The following ESD variants were observed in gnomAD, a reference collection of about 807,000 sequenced individuals.
ESD encodes the protein S-formylglutathione hydrolase.
In ESD, 34 loss-of-function variants were observed where a neutral mutation model predicts 38.1. The observed-to-expected ratio is 0.89, with a 90% CI of 0.68 to 1.19. The LOEUF is 1.19. Among genes scored for constraint, ESD ranks in the 50% most tolerant of loss-of-function variants. The probability of loss-of-function intolerance (pLI) is 0.00; values close to 1 mark genes in which losing one functional copy is unlikely to be tolerated. For missense variants in ESD, 334 were observed against 327.2 expected (o/e 1.02, Z -0.16); for synonymous variants, 97 against 107.0 (o/e 0.91, Z 0.58).
intron 8 of ESD, among the ~76,000 whole-genome samples, chr13:46,779,110 A>C (rs1184467153): frequency 6.6e-6 from 1 of 151,768 alleles, no homozygotes; most frequent in Non-Finnish European, 1.5e-5. Context: ...CACAAGAGTA[A>C]CATGGCTCTC....
At chr13:46,775,375 C>T in intron 9 of ESD, 1 of 203,432 alleles carries the variant, frequency 4.9e-6, no homozygotes, top group Non-Finnish European at 1.0e-5. Context: ...TTGAGTAAAT[C>T]ATGTGCATGA....
In ESD at chr13:46,791,440, T is replaced by G; in HGVS notation, c.-7-20A>C. On this transcript the variant is annotated intron_variant, in intron 2 of 9. Transcript: ENST00000378720. ...CTTTTCCTATTAGTAAAGAGTAATC[T>G]CATTAATTTCCAGAGAATTAGTTAC... 1.3e-6 allele frequency: 2 copies of G among 1,570,802 alleles called. No individual in the cohort carries two copies. Among genetic ancestry groups the G allele is most frequent in the Non-Finnish European group, 1.7e-6 (2 of 1,150,094 alleles).
intron 9 of ESD, among the ~76,000 whole-genome samples, chr13:46,772,492 G>A (rs1874641153): frequency 6.6e-6 from 1 of 152,144 alleles, no homozygotes; most frequent in East Asian, 1.9e-4. Flanking sequence ...AGTTACATAA[G>A]TAAACGTGTG....
intron 8 of ESD, among the ~76,000 whole-genome samples, chr13:46,779,511 G>T (rs1327895476): frequency 6.6e-6 from 1 of 151,208 alleles, no homozygotes; most frequent in Non-Finnish European, 1.5e-5. Context: ...TTAGATTAGG[G>T]ATGCTCAACC....
intron 9 of ESD, among the ~76,000 whole-genome samples, chr13:46,774,740 G>A (rs1171000692): frequency 6.6e-6 from 1 of 152,140 alleles, no homozygotes; most frequent in Non-Finnish European, 1.5e-5. Flanking sequence ...GAAAAGCTTG[G>A]ATAAGAATCC....
chr13:46,779,736 T>A (rs913007597), intron 8 of ESD, among the ~76,000 whole-genome samples, 199 bp downstream of exon 8: 3 of 145,856 alleles, frequency 2.1e-5, no homozygotes, highest in African/African-American at 7.4e-5. Context: ...ATAATATATA[T>A]AATAATATAT....
chr13:46,772,901 G>A (rs994208374), intron 9 of ESD, among the ~76,000 whole-genome samples: 12 of 152,118 alleles, frequency 7.9e-5, no homozygotes, highest in African/African-American at 2.4e-4. Flanking sequence ...AGCCAGGATG[G>A]TCTCGATCTC....
rs756388668 is a variant in ESD at position 46,777,481 on chromosome 13, A to T, written c.743T>A (p.Ile248Asn). 53 of 1,605,374 alleles carry T rather than the reference A, an allele frequency of 3.3e-5. No homozygotes were observed. The East Asian group carries it at 1.1e-3, about 35-fold the overall frequency. ...CTCTTGCAATCGAAAAACAACGGGGATTTTCTTTTCTGTACAGGCAGCTAT... is the reference window on the plus strand; with the variant it reads ...CTCTTGCAATCGAAAAACAACGGGGTTTTTCTTTTCTGTACAGGCAGCTAT... ...NFIAACTEKK[I>N]PVVFRLQEGY... is the part of the protein sequence containing the mutation. Residue 248 changes from isoleucine to asparagine, a missense_variant, in exon 9 of 10, where the codon ATC (isoleucine) becomes AAC (asparagine). By Grantham distance (149) the Ile-to-Asn change is moderately radical. Coordinates refer to ENST00000378720, the MANE Select transcript of ESD (RefSeq NM_001984.2).
chr13:46,788,395 C>T (rs1216961), intron 3 of ESD, among the ~76,000 whole-genome samples: 103,321 of 151,886 alleles, frequency 0.68, 37,175 homozygotes, highest in African/African-American at 0.92. Flanking sequence ...GTTAGGGAAG[C>T]TGAAACATTT....
intron 5 of ESD, among the ~76,000 whole-genome samples, chr13:46,783,199 G>A (rs1023047652): frequency 2.0e-5 from 3 of 151,812 alleles, no homozygotes; most frequent in Non-Finnish European, 4.4e-5. Context: ...CTCACTATCA[G>A]CACTTTTTAA....
chr13:46,771,451 G>T lies in ESD; in HGVS notation c.814C>A (p.His272Asn). The change falls in exon 10 of 10, where the codon CAC becomes AAC. Residue 272 changes from histidine (H) to asparagine (N), a missense_variant. By Grantham distance (68) the His-to-Asn change is moderately conservative. Transcript: ENST00000378720. Reference sequence around the variant, plus strand: ...AGGTATTTAGCATGATGTCTGATGTGGTCAGTAATAAAGGTTGCAATGAAG... The same window carrying T: ...AGGTATTTAGCATGATGTCTGATGTTGTCAGTAATAAAGGTTGCAATGAAG... ...YYFIATFITD[H>N]IRHHAKYLNA The T allele has an allele frequency of 6.2e-7, 1 of 1,605,786 alleles. No homozygotes were observed. The highest frequency in any genetic ancestry group is 8.5e-7 in the Non-Finnish European group (1 of 1,174,752).
At chr13:46,777,731 T>A in intron 8 of ESD, 108 bp from the exon 9 acceptor site, 1 of 844,128 alleles carries the variant, frequency 1.2e-6, no homozygotes, top group Non-Finnish European at 1.7e-6. Context: ...TTAGGCTGAT[T>A]AAATCAGAAA....
chr13:46,784,427 C>G (rs773141809), intron 4 of ESD, 77 bp from the exon 5 acceptor site: 105 of 1,003,892 alleles, frequency 1.0e-4, no homozygotes, highest in Non-Finnish European at 1.5e-4. Context: ...ACTATTAGAG[C>G]AGGGGGAGAC....
chr13:46,775,510 T>C (rs1195312285), intron 9 of ESD: 1 of 381,302 alleles, frequency 2.6e-6, no homozygotes, highest in Non-Finnish European at 5.3e-6. Flanking sequence ...TGTAATCAAA[T>C]GATAAAGCAG....
chr13:46,795,346 G>A (rs1875536779), intron 1 of ESD, among the ~76,000 whole-genome samples: 1 of 152,176 alleles, frequency 6.6e-6, no homozygotes. Flanking sequence ...ACGTGGAATT[G>A]TTAGTCATTT....
rs138079100 is a variant in ESD at position 46,784,489 on chromosome 13, C to T, written c.158-139G>A. ...CCAGTTAGGTACTATGTTCACTACC[C>T]GGGTGATGGTATCTTTCATACCCCA... On this transcript the variant is annotated intron_variant, in intron 4 of 9. Transcript: ENST00000378720. 3.5e-4 allele frequency: 204 copies of T among 587,280 alleles called. 1 individual carries two copies. Among genetic ancestry groups the T allele is most frequent in the African/African-American group, 3.4e-3 (181 of 53,250 alleles). The allele number at this position is 587,280 out of a possible 1,614,324, so 36.4% of individuals were successfully genotyped here.
At chr13:46,787,173 T>C (rs2138298823) in intron 3 of ESD, 64 bp from the exon 4 acceptor site, 1 of 904,988 alleles carries the variant, frequency 1.1e-6, no homozygotes, top group Non-Finnish European at 1.7e-6. Context: ...AGAAACAAAA[T>C]AATTATGCAC....
intron 7 of ESD, among the ~76,000 whole-genome samples, chr13:46,780,760 AAGAAACTGTTATG>A (rs1418485841): frequency 1.3e-5 from 2 of 151,760 alleles, no homozygotes; most frequent in African/African-American, 4.8e-5. Context: ...ATGCCACAGA[AAGAAACTGTTATG>A]AGAAATGTTT....
intron 2 of ESD, among the ~76,000 whole-genome samples, chr13:46,793,136 G>T (rs1269415648): frequency 6.6e-6 from 1 of 151,988 alleles, no homozygotes; most frequent in African/African-American, 2.4e-5. Flanking sequence ...AGCTTTTAAA[G>T]TATTTTTTCT....
Sources: gnomAD v4.1 joint callset for allele counts (sites outside exome capture counted in the v4.1 genomes callset) on GRCh38, gnomAD v4.1.1 for gene constraint, MANE v1.5 for transcripts, NCBI Gene and HGNC (gene_info 2026-07-23, HGNC 2026-07-21) for gene names.